Variants in ARL15 observed in about 807,000 individuals in gnomAD.
ARL15 encodes the protein ARF like GTPase 15.
Under a neutral mutation model 25.2 loss-of-function variants are expected in ARL15, and 19 were observed. The observed-to-expected ratio is 0.75, with a 90% CI of 0.53 to 1.10. ARL15 has a LOEUF of 1.10. Among genes scored for constraint, ARL15 ranks in the 50% least tolerant of loss-of-function variants. ARL15 has a pLI of 0.00. For synonymous variants in ARL15, 94 were observed against 86.8 expected, an observed-to-expected ratio of 1.08 and a Z score of -0.46; for missense variants, 220 against 246.0, an observed-to-expected ratio of 0.89 and a Z score of 0.71.
intron 1 of ARL15, among the ~76,000 whole-genome samples, chr5:54,203,026 G>T (rs1398354319): frequency 1.3e-5 from 2 of 152,062 alleles, no homozygotes; most frequent in Non-Finnish European, 2.9e-5. Flanking sequence ...ATTTCAGGGG[G>T]TTCCCTATTT....
intron 1 of ARL15, among the ~76,000 whole-genome samples, chr5:54,221,825 GCA>G (rs3035310): frequency 0.33 from 46,691 of 141,586 alleles, 7,486 homozygotes; most frequent in Non-Finnish European, 0.37. Context: ...CAAGAAACAT[GCA>G]CACACACACA....
intron 1 of ARL15, among the ~76,000 whole-genome samples, chr5:54,267,219 G>A (rs1034852156): frequency 6.6e-6 from 1 of 152,178 alleles, no homozygotes; most frequent in African/African-American, 2.4e-5. Context: ...AGCCTCCTGA[G>A]TAGCTGAGAC....
At chr5:54,117,467 TA>T (rs1267164087) in intron 3 of ARL15, among the ~76,000 whole-genome samples, 1 of 151,426 alleles carries the variant, frequency 6.6e-6, no homozygotes, top group Non-Finnish European at 1.5e-5. Flanking sequence ...AATGTATGAA[TA>T]ATATATTAAT....
chr5:54,183,886 A>G (rs62370448), intron 1 of ARL15, among the ~76,000 whole-genome samples: 6 of 148,794 alleles, frequency 4.0e-5, no homozygotes, highest in East Asian at 2.0e-4. Context: ...TTAAGAAAAT[A>G]TGGCACATAT....
At chr5:54,221,968 T>G (rs1355085652) in intron 1 of ARL15, among the ~76,000 whole-genome samples, 2 of 152,058 alleles carry the variant, frequency 1.3e-5, no homozygotes, top group African/African-American at 4.8e-5. Flanking sequence ...CAAGAGAAAT[T>G]TAAGCGTCTT....
chr5:54,197,824 C>T, intron 1 of ARL15, among the ~76,000 whole-genome samples: 1 of 152,066 alleles, frequency 6.6e-6, no homozygotes, highest in East Asian at 1.9e-4. Context: ...GATACCAAAG[C>T]TGGGCAGAGA....
intron 1 of ARL15, among the ~76,000 whole-genome samples, chr5:54,229,023 C>T (rs1756598509): frequency 1.3e-5 from 2 of 152,160 alleles, no homozygotes; most frequent in African/African-American, 4.8e-5. Flanking sequence ...ACTCTAGGAA[C>T]ACAAGGGCCC....
chr5:53,902,484 A>AT (rs1435856389), intron 4 of ARL15, among the ~76,000 whole-genome samples: 1 of 152,252 alleles, frequency 6.6e-6, no homozygotes, highest in African/African-American at 2.4e-5. Context: ...GTAATGGAAT[A>AT]TATGTCCCCT....
chr5:54,099,999 A>AC (rs143858663), intron 4 of ARL15, among the ~76,000 whole-genome samples: 20,545 of 151,670 alleles, frequency 0.14, 1,471 homozygotes, highest in Non-Finnish European at 0.16. Flanking sequence ...ATATCCTGTG[A>AC]CCCCCCCGTA....
chr5:54,188,613 C>G (rs1458330076), intron 1 of ARL15, among the ~76,000 whole-genome samples: 2 of 152,102 alleles, frequency 1.3e-5, no homozygotes, highest in African/African-American at 4.8e-5. Flanking sequence ...CTGAGAGGAT[C>G]AGGGCTCACT....
At chr5:54,214,480 A>G (rs2112514778) in intron 1 of ARL15, among the ~76,000 whole-genome samples, 1 of 152,110 alleles carries the variant, frequency 6.6e-6, no homozygotes, top group South Asian at 2.1e-4. Context: ...CCATCTCAGC[A>G]TTTTCATCAG....
At chr5:54,082,171 G>A (rs1046695703) in intron 4 of ARL15, among the ~76,000 whole-genome samples, 1 of 151,972 alleles carries the variant, frequency 6.6e-6, no homozygotes, top group Non-Finnish European at 1.5e-5. Context: ...TTCTCATGAT[G>A]AGAACACTTC....
intron 4 of ARL15, among the ~76,000 whole-genome samples, chr5:53,915,211 A>G (rs763894715): frequency 4.6e-5 from 7 of 152,172 alleles, no homozygotes; most frequent in Non-Finnish European, 8.8e-5. Context: ...TACTAGGGGG[A>G]GGAGATACAC....
intron 4 of ARL15, among the ~76,000 whole-genome samples, chr5:53,924,042 T>C (rs1222477936): frequency 1.3e-5 from 2 of 152,162 alleles, no homozygotes; most frequent in African/African-American, 2.4e-5. Flanking sequence ...GACATGACTA[T>C]AAGTTCTCTT....
chr5:54,010,707 TA>T (rs575650104), intron 4 of ARL15, among the ~76,000 whole-genome samples: 8 of 151,928 alleles, frequency 5.3e-5, no homozygotes, highest in Non-Finnish European at 1.2e-4. Context: ...ATCAGTAAAA[TA>T]AAAAAAATTT....
intron 1 of ARL15, among the ~76,000 whole-genome samples, chr5:54,236,086 A>G (rs1756796905): frequency 6.6e-6 from 1 of 152,198 alleles, no homozygotes; most frequent in South Asian, 2.1e-4. Context: ...TCACCAGAAC[A>G]CAATGTCTGA....
chr5:54,061,841 ACCCTAGAATGGCAGAT>A (rs1255562816), intron 4 of ARL15, among the ~76,000 whole-genome samples: 1 of 151,992 alleles, frequency 6.6e-6, no homozygotes, highest in Non-Finnish European at 1.5e-5. Context: ...CATCCTCCTG[ACCCTAGAATGGCAGAT>A]CCTCTGACAG....
chr5:54,211,664 G>T (rs1366800938), intron 1 of ARL15, among the ~76,000 whole-genome samples: 1 of 151,880 alleles, frequency 6.6e-6, no homozygotes, highest in Non-Finnish European at 1.5e-5. Flanking sequence ...TAGAGACAGG[G>T]TTTTGCCATG....
At chr5:54,293,538 A>C (rs745515516) in intron 1 of ARL15, among the ~76,000 whole-genome samples, 1 of 152,360 alleles carries the variant, frequency 6.6e-6, no homozygotes, top group Non-Finnish European at 1.5e-5. Context: ...AGTAAAGTGA[A>C]GAGAGATTGG....
Sources: gnomAD v4.1 joint callset for allele counts (sites outside exome capture counted in the v4.1 genomes callset) on GRCh38, gnomAD v4.1.1 for gene constraint, MANE v1.5 for transcripts, NCBI Gene and HGNC (gene_info 2026-07-23, HGNC 2026-07-21) for gene names.